The following GPC3 variants were observed in gnomAD, a reference collection of about 807,000 sequenced individuals.
GPC3 encodes the protein glypican-3.
Under a neutral mutation model 34.4 loss-of-function variants are expected in GPC3, and 3 were observed. That is an observed-to-expected ratio of 0.09 (90% confidence interval 0.04 to 0.23). GPC3 has a LOEUF of 0.23. Among genes scored for constraint, GPC3 ranks in the 10% least tolerant of loss-of-function variants. GPC3 has a pLI of 1.00. For missense variants in GPC3, 351 were observed against 445.6 expected, an observed-to-expected ratio of 0.79 and a Z score of 1.91; for synonymous variants, 177 against 174.0, an observed-to-expected ratio of 1.02 and a Z score of -0.13.
Position 133,726,761 on chromosome X carries a change from C to CA in GPC3, c.1032+26720dup, listed in dbSNP as rs202107459. The stretch of plus-strand genomic sequence containing the variant: ...ACAAAACAAAACAAAAACAAACAAA[C>CA]AAAAAACAAACCGAGTGGCCACACT... On this transcript the variant is annotated intron_variant, in intron 3 of 7. Coordinates refer to ENST00000370818, the MANE Select transcript of GPC3 (RefSeq NM_004484.4). Among the ~76,000 whole-genome samples, 205 of 111,818 alleles carry CA rather than the reference C, an allele frequency of 1.8e-3. 1 individual carries two copies. Among genetic ancestry groups the CA allele is most frequent in the African/African-American group, 5.6e-3 (171 of 30,775 alleles).
intron 6 of GPC3, among the ~76,000 whole-genome samples, chrX:133,604,560 T>C (rs1261823119): frequency 9.0e-6 from 1 of 111,572 alleles, no homozygotes; most frequent in Non-Finnish European, 1.9e-5. Flanking sequence ...TAGTACAGAA[T>C]GAAAAATTCC....
chrX:133,723,751 G>A (rs1272375313), intron 3 of GPC3, among the ~76,000 whole-genome samples: 3 of 111,506 alleles, frequency 2.7e-5, no homozygotes. Flanking sequence ...AGCTTCCTGA[G>A]GCCCTCATCA....
At chrX:133,665,409 T>G (rs141483453) in intron 5 of GPC3, among the ~76,000 whole-genome samples, 4,381 of 111,665 alleles carry the variant, frequency 0.039, 215 homozygotes, top group African/African-American at 0.13. Context: ...ACTAATCTCA[T>G]TCTATTAGAT....
At chrX:133,898,897 T>C (rs976563724) in intron 2 of GPC3, among the ~76,000 whole-genome samples, 1 of 111,907 alleles carries the variant, frequency 8.9e-6, no homozygotes, top group Admixed American at 9.5e-5. Flanking sequence ...ATTTCCGGAC[T>C]ACCTAAGATC....
chrX:133,716,032 C>CA (rs1159328701), intron 3 of GPC3, among the ~76,000 whole-genome samples: 1 of 111,804 alleles, frequency 8.9e-6, no homozygotes, highest in Non-Finnish European at 1.9e-5. Context: ...AAACACTGTT[C>CA]AATCATTAAC....
intron 2 of GPC3, among the ~76,000 whole-genome samples, chrX:133,755,457 T>A (rs115417264): frequency 0.01 from 1,169 of 112,187 alleles, 26 homozygotes; most frequent in African/African-American, 0.036. Flanking sequence ...CCTAGATTCT[T>A]CCCTTGGGCT....
intron 2 of GPC3, among the ~76,000 whole-genome samples, chrX:133,869,286 T>C (rs764651574): frequency 1.2e-4 from 13 of 112,124 alleles, no homozygotes; most frequent in African/African-American, 4.2e-4. Context: ...AAAAGAGTCA[T>C]CTTAGATCAG....
chrX:133,921,826 C>T (rs1161920352), intron 2 of GPC3, among the ~76,000 whole-genome samples: 1 of 112,322 alleles, frequency 8.9e-6, no homozygotes, highest in Non-Finnish European at 1.9e-5. Context: ...AACCCAGTTG[C>T]CTGCTCTGTG....
At chrX:133,916,191 C>T (rs949963569) in intron 2 of GPC3, among the ~76,000 whole-genome samples, 2 of 106,133 alleles carry the variant, frequency 1.9e-5, no homozygotes, top group African/African-American at 6.9e-5. Flanking sequence ...TGACAGTACA[C>T]TCAAACAATA....
At chrX:133,745,668 C>T (rs984583060) in intron 3 of GPC3, among the ~76,000 whole-genome samples, 16 of 112,587 alleles carry the variant, frequency 1.4e-4, no homozygotes, top group Non-Finnish European at 2.6e-4. Flanking sequence ...CATGGGCCTG[C>T]TTTTTGGCCA....
chrX:133,858,161 C>T (rs779457250), intron 2 of GPC3, among the ~76,000 whole-genome samples: 1 of 111,726 alleles, frequency 9.0e-6, no homozygotes, highest in East Asian at 2.8e-4. Context: ...GAGAAATTTC[C>T]GAACTATCAC....
At chrX:133,791,874 TTTTC>T (rs1307821960) in intron 2 of GPC3, among the ~76,000 whole-genome samples, 3 of 102,094 alleles carry the variant, frequency 2.9e-5, no homozygotes, top group South Asian at 9.4e-4. Context: ...TCTCTCTTTC[TTTTC>T]TTTCTTTCTT....
chrX:133,904,198 G>A (rs1266768206), intron 2 of GPC3, among the ~76,000 whole-genome samples: 2 of 111,769 alleles, frequency 1.8e-5, no homozygotes, highest in African/African-American at 3.3e-5. Flanking sequence ...GTGCCAACCC[G>A]TTCACTCTCT....
At position 133,596,432 on chromosome X, in the gene GPC3, T is replaced by C. The variant is rs1386448988; in HGVS notation, c.1573+8A>G. 3.3e-6 allele frequency: 4 copies of C among 1,203,050 alleles called. No homozygotes were observed. The Admixed American group carries it at 6.6e-5, about 20-fold the overall frequency. On this transcript the variant is annotated splice_region_variant and intron_variant, in intron 7 of 7. Transcript: ENST00000370818. ...TAGATTACATTTGGGTCAGCACTAA[T>C]CAGTTACCTGCAAGGAAGCGGAGCT...
intron 6 of GPC3, among the ~76,000 whole-genome samples, chrX:133,644,048 G>A (rs2070515658): frequency 9.1e-6 from 1 of 109,767 alleles, no homozygotes; most frequent in Admixed American, 9.8e-5. Flanking sequence ...GGCTGGTCTC[G>A]AACTCCTGAC....
At chrX:133,785,142 GAT>G (rs2072088348) in intron 2 of GPC3, among the ~76,000 whole-genome samples, 1 of 111,521 alleles carries the variant, frequency 9.0e-6, no homozygotes, top group Non-Finnish European at 1.9e-5. Flanking sequence ...GCTGCTGACA[GAT>G]AGCACTGCTT....
At chrX:133,569,414 G>T (rs895986822) in intron 7 of GPC3, among the ~76,000 whole-genome samples, 2 of 111,387 alleles carry the variant, frequency 1.8e-5, no homozygotes, top group African/African-American at 6.5e-5. Context: ...GGGTGGGTCT[G>T]TGTGTGACTG....
chrX:133,806,437 G>A (rs1237426545), intron 2 of GPC3, among the ~76,000 whole-genome samples: 1 of 111,410 alleles, frequency 9.0e-6, no homozygotes. Flanking sequence ...GTTACTCTAA[G>A]TAAGTCTTCA....
intron 2 of GPC3, among the ~76,000 whole-genome samples, chrX:133,827,468 G>A (rs902617597): frequency 9.0e-6 from 1 of 111,587 alleles, no homozygotes; most frequent in Admixed American, 9.5e-5. Flanking sequence ...AAAGGAGAGG[G>A]AGTAACCGTG....
Sources: allele counts gnomAD v4.1 joint callset (sites outside exome capture counted in the v4.1 genomes callset), GRCh38; gene constraint gnomAD v4.1.1; transcripts MANE v1.5; gene names NCBI Gene and HGNC (gene_info 2026-07-23, HGNC 2026-07-21).